THSD7A: variants seen among roughly 807,000 people sequenced by gnomAD.
The protein encoded by THSD7A is thrombospondin type-1 domain-containing protein 7A.
Under a neutral mutation model 231.3 loss-of-function variants are expected in THSD7A, and 96 were observed. The ratio of observed to expected loss-of-function variants is 0.41; its 90% CI spans 0.35 to 0.49. The LOEUF is 0.49. Ranked by LOEUF, THSD7A falls within the 20% of genes least tolerant of loss-of-function variation. The probability of loss-of-function intolerance (pLI) is 0.05; values close to 1 mark genes in which losing one functional copy is unlikely to be tolerated. For missense variants in THSD7A, 2,290 were observed against 2,070.2 expected, an observed-to-expected ratio of 1.11 and a Z score of -2.06; for synonymous variants, 940 against 743.3, an observed-to-expected ratio of 1.26 and a Z score of -4.30.
intron 13 of THSD7A, among the ~76,000 whole-genome samples, chr7:11,445,691 A>T (rs1395445950): frequency 6.6e-6 from 1 of 152,012 alleles, no homozygotes; most frequent in Admixed American, 6.6e-5. Flanking sequence ...ACTGATTCAA[A>T]TCTTATTTCC....
intron 11 of THSD7A, among the ~76,000 whole-genome samples, chr7:11,448,786 G>T (rs1433239999): frequency 6.6e-6 from 1 of 152,006 alleles, no homozygotes; most frequent in African/African-American, 2.4e-5. Flanking sequence ...CTTCTAAATT[G>T]TTCAATTGTG....
chr7:11,578,755 A>G (rs1157297488), intron 4 of THSD7A, among the ~76,000 whole-genome samples: 1 of 152,240 alleles, frequency 6.6e-6, no homozygotes, highest in African/African-American at 2.4e-5. Flanking sequence ...AAGGCATTAC[A>G]AGGCAGAAAA....
chr7:11,623,127 C>A, intron 2 of THSD7A, among the ~76,000 whole-genome samples: 1 of 152,132 alleles, frequency 6.6e-6, no homozygotes, highest in East Asian at 1.9e-4. Flanking sequence ...TCATCCAGGT[C>A]AGTGCTATTA....
chr7:11,812,303 T>A (rs1258693616), intron 1 of THSD7A, among the ~76,000 whole-genome samples: 2 of 152,162 alleles, frequency 1.3e-5, no homozygotes, highest in Non-Finnish European at 2.9e-5. Context: ...AAAATCTATA[T>A]AACCCTTTAC....
At chr7:11,796,033 C>CATAT (rs6149988) in intron 1 of THSD7A, among the ~76,000 whole-genome samples, 1,352 of 106,868 alleles carry the variant, frequency 0.013, 13 homozygotes, top group Non-Finnish European at 0.017. Flanking sequence ...TTAAATTAGC[C>CATAT]ATATATATAT....
At chr7:11,658,075 C>T (rs1243778188) in intron 1 of THSD7A, among the ~76,000 whole-genome samples, 1 of 151,584 alleles carries the variant, frequency 6.6e-6, no homozygotes, top group African/African-American at 2.4e-5. Context: ...GTGAGGCGAA[C>T]ATAAAAAATG....
Position 11,481,775 on chromosome 7 carries a change from G to A in THSD7A, c.2017+13C>T. The A allele has an allele frequency of 6.3e-6, 10 of 1,585,418 alleles. No homozygotes were observed. Among genetic ancestry groups the A allele is most frequent in the Non-Finnish European group, 6.9e-6 (8 of 1,162,136 alleles). On this transcript the variant is annotated intron_variant, in intron 7 of 27. Transcript: ENST00000423059. ...GAAACGAACCTAGATGGCGTCTGAA[G>A]CTGGCGACTCACCTTCTTCACCCGC...
rs552992078 is a variant in THSD7A, at chr7:11,689,118, G to C, written c.191-52157C>G. On this transcript the variant is annotated intron_variant, in intron 1 of 27. Coordinates refer to ENST00000423059, the MANE Select transcript of THSD7A (RefSeq NM_015204.3). The stretch of plus-strand genomic sequence containing the variant: ...TTAAGATTTGACAATGACAATGTAA[G>C]CTTTAGACAGGATAGACCTAAGTCA... Among the ~76,000 whole-genome samples the C allele has an allele frequency of 3.9e-5, 6 of 151,922 alleles. No individual in the cohort carries two copies. The South Asian group carries it at 1.2e-3, about 32-fold the overall frequency.
intron 2 of THSD7A, among the ~76,000 whole-genome samples, chr7:11,613,568 A>G (rs372368781): frequency 6.6e-6 from 1 of 152,290 alleles, no homozygotes. Flanking sequence ...CAGTCATTTC[A>G]GTGTTCGTTC....
At chr7:11,555,378 G>C (rs1423626230) in intron 4 of THSD7A, among the ~76,000 whole-genome samples, 1 of 151,878 alleles carries the variant, frequency 6.6e-6, no homozygotes, top group Non-Finnish European at 1.5e-5. Flanking sequence ...AGTGTTTGGA[G>C]ATTTTACTCC....
chr7:11,759,944 A>C (rs1782802078), intron 1 of THSD7A, among the ~76,000 whole-genome samples: 1 of 152,108 alleles, frequency 6.6e-6, no homozygotes, highest in African/African-American at 2.4e-5. Flanking sequence ...GAGTGGATCT[A>C]AGTCACCATT....
At chr7:11,445,963 C>G in intron 13 of THSD7A, 98 bp downstream of exon 13, 1 of 1,414,422 alleles carries the variant, frequency 7.1e-7, no homozygotes. Flanking sequence ...TTAGAATATA[C>G]GTCTGTAAAC....
intron 2 of THSD7A, among the ~76,000 whole-genome samples, chr7:11,630,748 A>C (rs190264831): frequency 6.6e-6 from 1 of 152,350 alleles, no homozygotes; most frequent in Admixed American, 6.5e-5. Flanking sequence ...CAAATGGAAG[A>C]TATTTTCAAA....
intron 1 of THSD7A, among the ~76,000 whole-genome samples, chr7:11,668,039 C>A (rs993400976): frequency 6.6e-6 from 1 of 152,146 alleles, no homozygotes; most frequent in African/African-American, 2.4e-5. Context: ...CAAGATTAGG[C>A]TATGAGTCTT....
chr7:11,384,434 C>A (rs925992122), intron 23 of THSD7A: 2 of 151,500 alleles, frequency 1.3e-5, no homozygotes, highest in African/African-American at 2.4e-5. Context: ...TTTAGGAAAT[C>A]CTTCTCTACC....
intron 10 of THSD7A, among the ~76,000 whole-genome samples, chr7:11,461,426 G>T (rs1008465294): frequency 6.6e-6 from 1 of 152,054 alleles, no homozygotes; most frequent in African/African-American, 2.4e-5. Context: ...AAATGTATAC[G>T]TCAGATTTCT....
Position 11,646,687 on chromosome 7 carries a change from AAAC to A in THSD7A, c.191-9729_191-9727del, listed in dbSNP as rs1186017241. ...CGACTTGATGCTAAGGGAGTCAAAT[AAAC>A]AAGATATTGGAGGTAAAGGAGTCCT... On this transcript the variant is annotated intron_variant, in intron 1 of 27. Coordinates refer to ENST00000423059, the MANE Select transcript of THSD7A (RefSeq NM_015204.3). 5.3e-5 allele frequency among the ~76,000 whole-genome samples: 8 copies of A among 152,182 alleles called. No homozygotes were observed. The East Asian group carries it at 1.6e-3, about 30-fold the overall frequency.
At chr7:11,829,079 A>T (rs1219561290) in intron 1 of THSD7A, among the ~76,000 whole-genome samples, 4 of 152,072 alleles carry the variant, frequency 2.6e-5, no homozygotes, top group Non-Finnish European at 4.4e-5. Flanking sequence ...GTAACAATAT[A>T]GTATATAATA....
intron 6 of THSD7A, among the ~76,000 whole-genome samples, chr7:11,530,314 C>A (rs1001239904): frequency 4.6e-5 from 7 of 151,992 alleles, no homozygotes; most frequent in African/African-American, 1.5e-4. Flanking sequence ...TATTCGACAT[C>A]TGGTAGGCAA....
Sources: gnomAD v4.1 joint callset for allele counts (sites outside exome capture counted in the v4.1 genomes callset) on GRCh38, gnomAD v4.1.1 for gene constraint, MANE v1.5 for transcripts, NCBI Gene and HGNC (gene_info 2026-07-23, HGNC 2026-07-21) for gene names.